Variants in VPS13B observed in about 807,000 individuals in gnomAD.
The protein encoded by VPS13B is intermembrane lipid transfer protein VPS13B.
VPS13B carries 285 observed loss-of-function variants against 426.4 expected under a neutral mutation model. The ratio of observed to expected loss-of-function variants is 0.67; its 90% CI spans 0.61 to 0.74. VPS13B has a LOEUF of 0.74. Among genes scored for constraint, VPS13B ranks in the 30% least tolerant of loss-of-function variants. The pLI is 0.00. For missense variants in VPS13B, 4,537 were observed against 4,782.6 expected (o/e 0.95, Z 1.51); for synonymous variants, 1,676 against 1,676.4 (o/e 1.00, Z 0.01).
chr8:99,132,302 A>G (rs528667635), intron 8 of VPS13B, among the ~76,000 whole-genome samples: 1 of 152,156 alleles, frequency 6.6e-6, no homozygotes, highest in Non-Finnish European at 1.5e-5. Context: ...CATTTCAACA[A>G]TGTTCCCAGC....
At chr8:99,366,189 G>A (rs530660009) in intron 19 of VPS13B, among the ~76,000 whole-genome samples, 56 of 152,080 alleles carry the variant, frequency 3.7e-4, no homozygotes, top group African/African-American at 1.3e-3. Flanking sequence ...GCTGAAAGTC[G>A]GGTGTTGAAG....
chr8:99,475,084 C>G (rs1819621841), intron 24 of VPS13B, among the ~76,000 whole-genome samples: 1 of 151,818 alleles, frequency 6.6e-6, no homozygotes. Flanking sequence ...CTGAAAGAAG[C>G]CAAGTGGAAA....
At chr8:99,778,302 TTCTCTAAC>T (rs1318627453) in intron 41 of VPS13B, among the ~76,000 whole-genome samples, 1 of 152,156 alleles carries the variant, frequency 6.6e-6, no homozygotes, top group Non-Finnish European at 1.5e-5. Flanking sequence ...TTAACCTGCT[TTCTCTAAC>T]TCTCTTTGAG....
At chr8:99,307,704 A>G (rs1398327575) in intron 19 of VPS13B, among the ~76,000 whole-genome samples, 1 of 151,994 alleles carries the variant, frequency 6.6e-6, no homozygotes, top group African/African-American at 2.4e-5. Flanking sequence ...TTTATCTGTT[A>G]AAAACCTTTT....
intron 29 of VPS13B, among the ~76,000 whole-genome samples, chr8:99,517,889 A>C (rs942000277): frequency 6.6e-6 from 1 of 151,910 alleles, no homozygotes; most frequent in Admixed American, 6.6e-5. Context: ...AAATGACTCA[A>C]GGCACTTTCA....
At position 99,706,776 on chromosome 8, in the gene VPS13B, C is replaced by T. The variant is rs1832516311; in HGVS notation, c.6454+6844C>T. On this transcript the variant is annotated intron_variant, in intron 36 of 61. Transcript: ENST00000357162. ...TCTCCTTAGCATTCTAATGATAGCC[C>T]CTATTAGGTTAGTATTAAGTAAAAT... Among the ~76,000 whole-genome samples the T allele has an allele frequency of 2.6e-5, 4 of 151,988 alleles. No homozygotes were observed. In the South Asian group the frequency reaches 8.3e-4, roughly 32 times the overall value.
chr8:99,593,028 C>T (rs182751669), intron 33 of VPS13B, among the ~76,000 whole-genome samples: 56 of 151,924 alleles, frequency 3.7e-4, no homozygotes, highest in African/African-American at 1.1e-3. Context: ...ACGAAGATGC[C>T]GAAAGTAACC....
chr8:99,493,219 T>C (rs1022810399), intron 25 of VPS13B, among the ~76,000 whole-genome samples: 1 of 152,192 alleles, frequency 6.6e-6, no homozygotes, highest in Non-Finnish European at 1.5e-5. Context: ...TTTAAGTATA[T>C]AATTCTGTTG....
chr8:99,582,736 A>G (rs560762422), intron 33 of VPS13B, among the ~76,000 whole-genome samples: 1 of 152,122 alleles, frequency 6.6e-6, no homozygotes, highest in African/African-American at 2.4e-5. Flanking sequence ...GCTCACTGCA[A>G]GCTCCGCCTC....
At chr8:99,473,517 A>G (rs919746394) in intron 24 of VPS13B, among the ~76,000 whole-genome samples, 1 of 152,238 alleles carries the variant, frequency 6.6e-6, no homozygotes. Flanking sequence ...TAACATTCTC[A>G]AACTGATAGA....
intron 3 of VPS13B, among the ~76,000 whole-genome samples, chr8:99,062,719 T>C (rs908695059): frequency 1.3e-5 from 2 of 152,158 alleles, no homozygotes; most frequent in Non-Finnish European, 2.9e-5. Context: ...CCACCCGCCT[T>C]GTGGATCCCA....
At chr8:99,831,803 G>A (rs1358332372) in intron 51 of VPS13B, among the ~76,000 whole-genome samples, 1 of 152,346 alleles carries the variant, frequency 6.6e-6, no homozygotes, top group East Asian at 1.9e-4. Context: ...TTATATACAA[G>A]TACTACGCCA....
intron 19 of VPS13B, among the ~76,000 whole-genome samples, chr8:99,369,469 A>G: frequency 6.6e-6 from 1 of 152,180 alleles, no homozygotes; most frequent in East Asian, 1.9e-4. Context: ...ATTGTGAGGC[A>G]GTGGGCACGA....
At chr8:99,153,516 A>G (rs891530646) in intron 14 of VPS13B, among the ~76,000 whole-genome samples, 6 of 152,076 alleles carry the variant, frequency 3.9e-5, no homozygotes, top group African/African-American at 1.2e-4. Flanking sequence ...TATTTTTACA[A>G]CTAATTCAAG....
At chr8:99,579,525 G>A (rs368362219) in intron 33 of VPS13B, among the ~76,000 whole-genome samples, 3 of 152,106 alleles carry the variant, frequency 2.0e-5, no homozygotes, top group Admixed American at 1.3e-4. Flanking sequence ...AGTATCCCAC[G>A]TAGCTGGGAT....
chr8:99,025,287 C>T (rs1842079963), intron 2 of VPS13B, among the ~76,000 whole-genome samples: 1 of 151,862 alleles, frequency 6.6e-6, no homozygotes, highest in African/African-American at 2.4e-5. Flanking sequence ...ATTTTTTTCC[C>T]TTGCTTAATT....
rs1279459709 is a variant in VPS13B, at chr8:99,384,374, T to A, written c.2934+57T>A. 3.0e-5 allele frequency: 40 copies of A among 1,320,994 alleles called. No homozygotes were observed. The Admixed American group carries it at 6.8e-4, about 22-fold the overall frequency. 81.8% of individuals were successfully genotyped at this position (1,320,994 alleles called of 1,614,324 possible). ...ACAAATATTTTTCTTATTCATTTAG[T>A]AGAATTATATATGTCTTTTGATGGA... On this transcript the variant is annotated intron_variant, in intron 20 of 61. Transcript: ENST00000357162.
chr8:99,392,730 C>T (rs1814511799), intron 21 of VPS13B, among the ~76,000 whole-genome samples: 1 of 152,008 alleles, frequency 6.6e-6, no homozygotes, highest in Non-Finnish European at 1.5e-5. Flanking sequence ...GTATTTTATA[C>T]ATAAGTATTA....
intron 3 of VPS13B, among the ~76,000 whole-genome samples, chr8:99,039,936 G>C (rs534021717): frequency 6.6e-6 from 1 of 152,252 alleles, no homozygotes; most frequent in East Asian, 1.9e-4. Flanking sequence ...TTAGAAATCT[G>C]TGGATAGTTA....
Sources: allele counts gnomAD v4.1 joint callset (sites outside exome capture counted in the v4.1 genomes callset), GRCh38; gene constraint gnomAD v4.1.1; transcripts MANE v1.5; gene names NCBI Gene and HGNC (gene_info 2026-07-23, HGNC 2026-07-21).